Variants in CPLX1 observed in about 807,000 individuals in gnomAD.
The protein encoded by CPLX1 is complexin-1.
Under a neutral mutation model 15.6 loss-of-function variants are expected in CPLX1, and 6 were observed. The ratio of observed to expected loss-of-function variants is 0.39; its 90% CI spans 0.21 to 0.76. CPLX1 has a LOEUF of 0.76. Ranked by LOEUF, CPLX1 falls within the 30% of genes least tolerant of loss-of-function variation. CPLX1 has a pLI of 0.43. For missense variants in CPLX1, 242 were observed against 188.6 expected (o/e 1.28, Z -1.66); for synonymous variants, 91 against 75.2 (o/e 1.21, Z -1.08).
chr4:821,403 C>T (rs980834135), intron 2 of CPLX1, among the ~76,000 whole-genome samples: 2 of 152,228 alleles, frequency 1.3e-5, no homozygotes, highest in African/African-American at 4.8e-5. Context: ...CCGTGTCCCA[C>T]CTGAAGCCCC....
At chr4:818,448 C>T (rs932239245) in intron 2 of CPLX1, among the ~76,000 whole-genome samples, 1 of 152,282 alleles carries the variant, frequency 6.6e-6, no homozygotes, top group Non-Finnish European at 1.5e-5. Flanking sequence ...TCCTGCAATG[C>T]TCCCTCTGTT....
At chr4:824,813 T>A (rs778775468) in intron 1 of CPLX1, 9 of 636,610 alleles carry the variant, frequency 1.4e-5, no homozygotes, top group Admixed American at 1.0e-4. Flanking sequence ...GCTCCTGGGG[T>A]GTCTGAAGCC....
At chr4:790,700 G>C (rs923148949) in intron 3 of CPLX1, among the ~76,000 whole-genome samples, 3 of 152,080 alleles carry the variant, frequency 2.0e-5, no homozygotes, top group African/African-American at 7.2e-5. Context: ...ACACCTCCCT[G>C]GATACACGGA....
chr4:789,897 A>G (rs551879869), intron 3 of CPLX1, among the ~76,000 whole-genome samples: 1 of 76,556 alleles, frequency 1.3e-5, no homozygotes, highest in Non-Finnish European at 2.5e-5. Flanking sequence ...TCAGGTGGCC[A>G]CGCCTGAGGG....
In CPLX1 at chr4:821,834, A is replaced by T. The variant is rs1448517877; in HGVS notation, c.31+2658T>A. 1.7e-4 allele frequency among the ~76,000 whole-genome samples: 26 copies of T among 152,230 alleles called. No homozygotes were observed. In the South Asian group the frequency reaches 5.4e-3, roughly 32 times the overall value. ...TTGAGACCCAGCGTTGGGTCAGATG[A>T]GCAGGCCCTGGGCCACTCACTCCTC... On this transcript the variant is annotated intron_variant, in intron 2 of 3. Transcript: ENST00000304062.
At chr4:804,499 A>T (rs1746517362) in intron 2 of CPLX1, among the ~76,000 whole-genome samples, 1 of 152,212 alleles carries the variant, frequency 6.6e-6, no homozygotes, top group South Asian at 2.1e-4. Flanking sequence ...TATAGAACCT[A>T]TATCAGAAAA....
intron 3 of CPLX1, chr4:787,097 C>T (rs1746020509): frequency 2.0e-6 from 2 of 985,282 alleles, no homozygotes; most frequent in African/African-American, 3.5e-5. Flanking sequence ...AACAGTCAAC[C>T]CGCAGCTGAC....
chr4:818,490 CTT>C (rs1347800232), intron 2 of CPLX1, among the ~76,000 whole-genome samples: 4 of 152,266 alleles, frequency 2.6e-5, no homozygotes, highest in Non-Finnish European at 5.9e-5. Context: ...ACAAACACCT[CTT>C]CTCTCCTCAG....
chr4:792,387 G>A, intron 3 of CPLX1, 46 bp downstream of exon 3: 1 of 1,466,798 alleles, frequency 6.8e-7, no homozygotes, highest in Non-Finnish European at 9.0e-7. Flanking sequence ...GGTCCCCGCT[G>A]GACTCAGGGC....
chr4:796,534 C>T (rs573666930), intron 2 of CPLX1, among the ~76,000 whole-genome samples: 19 of 152,306 alleles, frequency 1.2e-4, no homozygotes, highest in African/African-American at 3.6e-4. Flanking sequence ...CCGCCTGCCT[C>T]GGCCTCCTAA....
At chr4:813,503 AG>A (rs1405557790) in intron 2 of CPLX1, among the ~76,000 whole-genome samples, 1 of 152,094 alleles carries the variant, frequency 6.6e-6, no homozygotes, top group Non-Finnish European at 1.5e-5. Context: ...GGATGGTGAA[AG>A]GTCTGTATAA....
intron 3 of CPLX1, 179 bp from the exon 4 acceptor site, chr4:786,877 A>AT: frequency 1.0e-6 from 1 of 982,812 alleles, no homozygotes; most frequent in Non-Finnish European, 1.2e-6. Context: ...CCCTGGAGGA[A>AT]TGGGAAGCCC....
At chr4:820,527 C>T (rs1026643529) in intron 2 of CPLX1, among the ~76,000 whole-genome samples, 1 of 152,172 alleles carries the variant, frequency 6.6e-6, no homozygotes, top group African/African-American at 2.4e-5. Flanking sequence ...TCCCAGTTGC[C>T]TCCATGGCCC....
intron 2 of CPLX1, among the ~76,000 whole-genome samples, chr4:822,219 ACTCT>A (rs543542507): frequency 5.0e-4 from 63 of 124,868 alleles, no homozygotes; most frequent in African/African-American, 5.3e-4. Context: ...TATCTCTCTA[ACTCT>A]CTCTGTCTCT....
Position 800,590 on chromosome 4 carries a change from A to G in CPLX1, c.32-7982T>C, listed in dbSNP as rs553486311. 1.9e-3 allele frequency among the ~76,000 whole-genome samples: 272 copies of G among 141,994 alleles called. 2 individuals are homozygous for G. Among genetic ancestry groups the G allele is most frequent in the African/African-American group, 5.8e-3 (222 of 38,224 alleles). The allele number at this position is 141,994 out of a possible 152,430, so 93.2% of individuals were successfully genotyped here. A position where few individuals can be genotyped will look rare whatever the true frequency, so the allele number is the denominator to read the frequency against. Reference sequence around the variant, plus strand: ...TGTGTGTGTGTGTGTATATATATGTATATATATATATATTAGCCAGACATG... The same window carrying G: ...TGTGTGTGTGTGTGTATATATATGTGTATATATATATATTAGCCAGACATG... On this transcript the variant is annotated intron_variant, in intron 2 of 3. Transcript: ENST00000304062.
chr4:819,903 A>C (rs1436626969), intron 2 of CPLX1, among the ~76,000 whole-genome samples: 5 of 152,224 alleles, frequency 3.3e-5, no homozygotes, highest in African/African-American at 7.2e-5. Context: ...TCCACTGAGG[A>C]CGAAGGTGGC....
At chr4:795,869 C>T (rs1459332249) in intron 2 of CPLX1, among the ~76,000 whole-genome samples, 1 of 152,158 alleles carries the variant, frequency 6.6e-6, no homozygotes, top group Non-Finnish European at 1.5e-5. Context: ...CCACCGCCCA[C>T]CCCACCTCCC....
chr4:807,476 ATT>A (rs146977081), intron 2 of CPLX1, among the ~76,000 whole-genome samples: 1 of 145,366 alleles, frequency 6.9e-6, no homozygotes. Flanking sequence ...CCGGAACTTA[ATT>A]TTTTTTTTTT....
chr4:787,288 G>A (rs1011466648), intron 3 of CPLX1: 15 of 985,212 alleles, frequency 1.5e-5, no homozygotes, highest in Admixed American at 1.2e-4. Flanking sequence ...CTGGAATCCC[G>A]CCTAGTCGTG....
Sources: allele counts gnomAD v4.1 joint callset (sites outside exome capture counted in the v4.1 genomes callset), GRCh38; gene constraint gnomAD v4.1.1; transcripts MANE v1.5; gene names NCBI Gene and HGNC (gene_info 2026-07-23, HGNC 2026-07-21).